SDK1: variants seen among roughly 807,000 people sequenced by gnomAD.
The protein encoded by SDK1 is protein sidekick-1.
In SDK1, 157 loss-of-function variants were observed where a neutral mutation model predicts 245.5. That is an observed-to-expected ratio of 0.64 (90% confidence interval 0.56 to 0.73). SDK1 has a LOEUF of 0.73. Among genes scored for constraint, SDK1 ranks in the 30% least tolerant of loss-of-function variants. The pLI is 0.00. For synonymous variants in SDK1, 1,647 were observed against 1,278.5 expected (o/e 1.29, Z -6.15); for missense variants, 3,583 against 3,002.3 (o/e 1.19, Z -4.52).
intron 4 of SDK1, among the ~76,000 whole-genome samples, chr7:3,681,825 A>G (rs1398636980): frequency 2.6e-5 from 4 of 152,222 alleles, no homozygotes; most frequent in Non-Finnish European, 5.9e-5. Context: ...TTGGATTAGA[A>G]CAAACAGAGG....
Position 3,312,767 on chromosome 7 carries a change from T to C in SDK1, c.298+10883T>C, listed in dbSNP as rs190725378. On this transcript the variant is annotated intron_variant, in intron 1 of 44. Transcript: ENST00000404826. ...AACTTTAGAATGAGGAAGTCTCATA[T>C]TACCTTCTGTGAGCTTCCAGAAAGA... 3.2e-3 allele frequency among the ~76,000 whole-genome samples: 490 copies of C among 152,286 alleles called. 1 individual carries two copies. Among genetic ancestry groups the C allele is most frequent in the African/African-American group, 0.011 (460 of 41,558 alleles).
At chr7:4,053,279 A>G (rs1583958787) in intron 19 of SDK1, among the ~76,000 whole-genome samples, 1 of 151,822 alleles carries the variant, frequency 6.6e-6, no homozygotes, top group South Asian at 2.1e-4. Context: ...AGCAGGTGAC[A>G]TTTGCAGAGG....
chr7:3,467,532 A>AT (rs11325598), intron 1 of SDK1, among the ~76,000 whole-genome samples: 32 of 151,686 alleles, frequency 2.1e-4, no homozygotes, highest in South Asian at 6.2e-4. Flanking sequence ...ATCTGAATAG[A>AT]TTTTTTTTGC....
intron 35 of SDK1, among the ~76,000 whole-genome samples, chr7:4,203,435 C>G (rs1273693523): frequency 6.6e-6 from 1 of 152,152 alleles, no homozygotes; most frequent in Non-Finnish European, 1.5e-5. Context: ...TTGCACCTTT[C>G]CCTTTAAATG....
At chr7:4,086,112 G>C (rs1781412023) in intron 22 of SDK1, among the ~76,000 whole-genome samples, 1 of 152,232 alleles carries the variant, frequency 6.6e-6, no homozygotes, top group East Asian at 1.9e-4. Context: ...TTCCACGGAA[G>C]GTGGCATATT....
At chr7:3,863,869 T>C (rs1047196418) in intron 5 of SDK1, among the ~76,000 whole-genome samples, 1 of 152,218 alleles carries the variant, frequency 6.6e-6, no homozygotes, top group Non-Finnish European at 1.5e-5. Flanking sequence ...GCCTTTTGGC[T>C]GTTGTGAATC....
chr7:4,178,601 C>T lies in SDK1; in HGVS notation c.5098+15C>T, dbSNP rs113581577. The T allele has an allele frequency of 1.1e-3, 1,750 of 1,582,940 alleles. 20 individuals are homozygous for T. In the African/African-American group the frequency reaches 0.021, roughly 19 times the overall value. ...CGGCGAGGCTGGTAAGCTCCGTGCA[C>T]CCCCAACCCCACTGCCAGAGAGGGC... On this transcript the variant is annotated intron_variant, in intron 35 of 44. Transcript: ENST00000404826.
At chr7:3,900,212 G>T (rs1781739889) in intron 5 of SDK1, among the ~76,000 whole-genome samples, 1 of 151,952 alleles carries the variant, frequency 6.6e-6, no homozygotes, top group African/African-American at 2.4e-5. Context: ...TAATTCTCTG[G>T]AATAGCATTT....
Position 3,962,742 on chromosome 7 carries a change from C to T in SDK1, c.1320C>T (p.Ser440=), listed in dbSNP as rs371146684. ...LQNPRYKVLA[S]GGLRIQKLRP... is the part of the protein sequence containing the mutation. ...ATCCTCGATACAAAGTGCTCGCCAGCGGAGGCCTGCGCATCCAGAAGCTGC... is the reference window on the plus strand; with the variant it reads ...ATCCTCGATACAAAGTGCTCGCCAGTGGAGGCCTGCGCATCCAGAAGCTGC... The change falls in exon 9 of 45, where the codon AGC becomes AGT. Residue 440 remains serine (S), a synonymous_variant. Coordinates refer to ENST00000404826, the MANE Select transcript of SDK1 (RefSeq NM_152744.4). 25 of 1,613,546 alleles carry T rather than the reference C, an allele frequency of 1.5e-5. No individual in the cohort carries two copies. The highest frequency in any genetic ancestry group is 2.2e-5 in the South Asian group (2 of 91,030).
In SDK1 at chr7:4,078,554, A is replaced by G. The variant is rs377296513; in HGVS notation, c.3203-909A>G. ...GTTTCAAACACCCCAAGCAACAGCAAATGAGGAAAGCATTCCTCAGAGATA... is the reference window on the plus strand; with the variant it reads ...GTTTCAAACACCCCAAGCAACAGCAGATGAGGAAAGCATTCCTCAGAGATA... On this transcript the variant is annotated intron_variant, in intron 21 of 44. Transcript: ENST00000404826. Among the ~76,000 whole-genome samples, 7 of 152,302 alleles carry G rather than the reference A, an allele frequency of 4.6e-5. 1 individual carries two copies. Among genetic ancestry groups the G allele is most frequent in the African/African-American group, 1.7e-4 (7 of 41,576 alleles).
At chr7:4,194,573 T>C (rs977519518) in intron 35 of SDK1, among the ~76,000 whole-genome samples, 1 of 152,002 alleles carries the variant, frequency 6.6e-6, no homozygotes, top group African/African-American at 2.4e-5. Flanking sequence ...AGCAAGGAGA[T>C]CCAGTCCGAG....
intron 19 of SDK1, among the ~76,000 whole-genome samples, chr7:4,066,160 C>G (rs1379390139): frequency 6.6e-6 from 1 of 152,116 alleles, no homozygotes; most frequent in Non-Finnish European, 1.5e-5. Context: ...TTCCCCGGTT[C>G]TGCCTTTGAA....
intron 8 of SDK1, among the ~76,000 whole-genome samples, chr7:3,959,288 C>T (rs1325832235): frequency 6.6e-6 from 1 of 152,114 alleles, no homozygotes; most frequent in Admixed American, 6.5e-5. Flanking sequence ...GAGGGGACTC[C>T]ATCATATCCT....
At chr7:4,104,262 C>T (rs1056550643) in intron 22 of SDK1, among the ~76,000 whole-genome samples, 1 of 152,194 alleles carries the variant, frequency 6.6e-6, no homozygotes, top group Non-Finnish European at 1.5e-5. Flanking sequence ...GGTCTCACCA[C>T]GTTGCCCAGG....
intron 5 of SDK1, among the ~76,000 whole-genome samples, chr7:3,925,250 C>T (rs973943818): frequency 6.6e-6 from 1 of 152,148 alleles, no homozygotes; most frequent in Non-Finnish European, 1.5e-5. Flanking sequence ...AGCACATCTT[C>T]CAGGAAGAAC....
At chr7:3,352,136 A>G (rs976510842) in intron 1 of SDK1, among the ~76,000 whole-genome samples, 12 of 148,920 alleles carry the variant, frequency 8.1e-5, no homozygotes, top group African/African-American at 2.9e-4. Context: ...AATTTTATAA[A>G]TATATAAATA....
chr7:3,672,053 G>A (rs927654148), intron 4 of SDK1, among the ~76,000 whole-genome samples: 2 of 152,084 alleles, frequency 1.3e-5, no homozygotes, highest in Non-Finnish European at 2.9e-5. Context: ...CCTCTGGGAG[G>A]GCTTATCCAT....
intron 28 of SDK1, among the ~76,000 whole-genome samples, chr7:4,133,381 G>T (rs1053501784): frequency 6.6e-6 from 1 of 152,348 alleles, no homozygotes; most frequent in African/African-American, 2.4e-5. Flanking sequence ...ACAGTGGGGG[G>T]TGAGGAATGA....
chr7:3,367,251 T>A (rs1041948777), intron 1 of SDK1, among the ~76,000 whole-genome samples: 1 of 152,138 alleles, frequency 6.6e-6, no homozygotes, highest in East Asian at 1.9e-4. Flanking sequence ...TGTAATTTCA[T>A]GTGATCTGGA....
Sources: allele counts gnomAD v4.1 joint callset (sites outside exome capture counted in the v4.1 genomes callset), GRCh38; gene constraint gnomAD v4.1.1; transcripts MANE v1.5; gene names NCBI Gene and HGNC (gene_info 2026-07-23, HGNC 2026-07-21).